The following IL2RB variants were observed in gnomAD, a reference collection of about 807,000 sequenced individuals.
The protein encoded by IL2RB is interleukin-2 receptor subunit beta.
In IL2RB, 17 loss-of-function variants were observed where a neutral mutation model predicts 44.2. The ratio of observed to expected loss-of-function variants is 0.38; its 90% CI spans 0.26 to 0.58. The LOEUF (loss-of-function observed/expected upper bound fraction) is 0.58, where lower values mean the gene tolerates loss of function less well. IL2RB is among the 20% of genes least tolerant of loss of function. The pLI is 0.63. For missense variants in IL2RB, 624 were observed against 685.5 expected, an observed-to-expected ratio of 0.91 and a Z score of 1.00; for synonymous variants, 286 against 297.9, an observed-to-expected ratio of 0.96 and a Z score of 0.41.
intron 1 of IL2RB, among the ~76,000 whole-genome samples, chr22:37,164,887 G>A (rs919198467): frequency 6.6e-6 from 1 of 152,132 alleles, no homozygotes; most frequent in East Asian, 1.9e-4. Context: ...GTTGATTCCC[G>A]ACTATGCTGA....
chr22:37,157,672 T>C (rs1922726659), intron 1 of IL2RB, among the ~76,000 whole-genome samples: 1 of 152,182 alleles, frequency 6.6e-6, no homozygotes, highest in African/African-American at 2.4e-5. Flanking sequence ...AAACCAGTCC[T>C]TCCCTGATCT....
chr22:37,135,032 G>A (rs1921612311), intron 8 of IL2RB, among the ~76,000 whole-genome samples: 1 of 152,176 alleles, frequency 6.6e-6, no homozygotes, highest in Admixed American at 6.5e-5. Context: ...GGCTCTCCCT[G>A]GAGGGCTGCA....
At chr22:37,171,628 T>C (rs1298445160) in intron 1 of IL2RB, among the ~76,000 whole-genome samples, 1 of 152,186 alleles carries the variant, frequency 6.6e-6, no homozygotes, top group African/African-American at 2.4e-5. Flanking sequence ...GGATGAAAAC[T>C]ATGGAATGCT....
upstream of IL2RB, among the ~76,000 whole-genome samples, chr22:37,151,224 C>G (rs1327549001): frequency 6.6e-6 from 1 of 152,232 alleles, no homozygotes; most frequent in Non-Finnish European, 1.5e-5. Flanking sequence ...TCTCCCCACC[C>G]TCACCAGCAT....
intron 1 of IL2RB, among the ~76,000 whole-genome samples, chr22:37,164,987 G>A (rs892614405): frequency 1.3e-5 from 2 of 152,116 alleles, no homozygotes; most frequent in African/African-American, 4.8e-5. Flanking sequence ...TCCCGAGCCA[G>A]AATCTGTATT....
At position 37,142,389 on chromosome 22, in the gene IL2RB, G is replaced by A. The variant is rs1229005365; in HGVS notation, c.282+45C>T. 2.6e-6 allele frequency: 4 copies of A among 1,567,584 alleles called. No homozygotes were observed. The South Asian group carries it at 4.4e-5, about 17-fold the overall frequency. ...CCCTGAGATCGCAGCCCGGAGCTGG[G>A]AGACCACCCTCTCCCTGCACTCTCT... On this transcript the variant is annotated intron_variant, in intron 4 of 9. Coordinates refer to ENST00000216223, the MANE Select transcript of IL2RB (RefSeq NM_000878.5).
In IL2RB at chr22:37,128,545, A is replaced by G; in HGVS notation, c.1207T>C (p.Ser403Pro). The change falls in exon 10 of 10, where the codon TCT becomes CCT. Residue 403 changes from serine (S) to proline (P), a missense_variant. Coordinates refer to ENST00000216223, the MANE Select transcript of IL2RB (RefSeq NM_000878.5). The surrounding 1 kb of genome is among the most constrained non-coding windows in gnomAD (Gnocchi z 4.5). ...DEGVAGAPTGSSPQPLQPLSG... is the reference protein window; with the variant it reads ...DEGVAGAPTGPSPQPLQPLSG... ...AGAGGCTGCAGGGGTTGGGGGGAAG[A>G]CCCTGTGGGTGCCCCGGCCACACCC... 6.2e-7 allele frequency: 1 copy of G among 1,613,342 alleles called. No individual in the cohort carries two copies. The highest frequency in any genetic ancestry group is 8.5e-7 in the Non-Finnish European group (1 of 1,179,644).
In IL2RB at chr22:37,136,266, G is replaced by A; in HGVS notation, c.665C>T (p.Pro222Leu). The stretch of plus-strand genomic sequence containing the variant: ...CCTGAAGGCCAGGGGCTGGCTCCAG[G>A]GGCTCCAGGTCGTGAACTCGCCTTG... Reference protein sequence around the residue: ...PLQGEFTTWSPWSQPLAFRTK... With the variant: ...PLQGEFTTWSLWSQPLAFRTK... Residue 222 changes from proline (P) to leucine (L), a missense_variant, in exon 7 of 10, where the codon CCC becomes CTC. Physicochemically the swap from Pro to Leu is moderately conservative, Grantham distance 98 (BLOSUM62 -3). This residue lies in a region of IL2RB where 255 missense variants were observed against 339.9 expected (regional missense o/e 0.75). Coordinates refer to ENST00000216223, the MANE Select transcript of IL2RB (RefSeq NM_000878.5). 6.2e-7 allele frequency: 1 copy of A among 1,612,410 alleles called. No individual in the cohort carries two copies. The highest frequency in any genetic ancestry group is 8.5e-7 in the Non-Finnish European group (1 of 1,179,684).
chr22:37,168,222 A>G (rs187795695), intron 1 of IL2RB, among the ~76,000 whole-genome samples: 6 of 152,386 alleles, frequency 3.9e-5, no homozygotes, highest in Admixed American at 3.3e-4. Flanking sequence ...TATTAAAGAA[A>G]GTAACAAGAC....
intron 1 of IL2RB, among the ~76,000 whole-genome samples, chr22:37,148,238 G>C (rs911493222): frequency 6.6e-6 from 1 of 152,192 alleles, no homozygotes; most frequent in African/African-American, 2.4e-5. Context: ...ATGGTGTGGG[G>C]GTGCCAGAGG....
intron 1 of IL2RB, among the ~76,000 whole-genome samples, chr22:37,147,155 A>T (rs921003338): frequency 6.6e-6 from 1 of 152,204 alleles, no homozygotes; most frequent in African/African-American, 2.4e-5. Flanking sequence ...CCATCGGCTG[A>T]CAGGTTACTG....
chr22:37,135,686 A>G (rs1334057148), intron 7 of IL2RB, among the ~76,000 whole-genome samples: 1 of 151,856 alleles, frequency 6.6e-6, no homozygotes, highest in Non-Finnish European at 1.5e-5. Flanking sequence ...CCCCCTGGTG[A>G]GCCTACAGCC....
intron 8 of IL2RB, among the ~76,000 whole-genome samples, chr22:37,134,624 A>T (rs989062005): frequency 6.6e-6 from 1 of 152,240 alleles, no homozygotes; most frequent in South Asian, 2.1e-4. Flanking sequence ...TAAATAAATA[A>T]AATAAAACAA....
intron 4 of IL2RB, 92 bp from the exon 5 acceptor site, chr22:37,139,314 C>T (rs963448606): frequency 8.7e-6 from 7 of 802,590 alleles, no homozygotes; most frequent in Non-Finnish European, 1.5e-5. Context: ...GGATGGCAGC[C>T]TCTCCACATG....
In IL2RB at chr22:37,128,660, G is replaced by A. The variant is rs1340312334; in HGVS notation, c.1092C>T (p.Tyr364=). 4 of 1,614,202 alleles carry A rather than the reference G, an allele frequency of 2.5e-6. No homozygotes were observed. Among genetic ancestry groups the A allele is most frequent in the African/African-American group, 1.3e-5 (1 of 75,066 alleles). The change falls in exon 10 of 10, where the codon TAC becomes TAT. Residue 364 remains tyrosine (Y), a synonymous_variant. Coordinates refer to ENST00000216223, the MANE Select transcript of IL2RB (RefSeq NM_000878.5). The surrounding 1 kb of genome is among the most constrained non-coding windows in gnomAD (Gnocchi z 4.5). The part of the protein sequence containing the change: ...SLTSCFTNQG[Y]FFFHLPDALE... ...AGGCATCCGGGAGGTGGAAGAAGAA[G>A]TAACCCTGGTTGGTGAAGCAGCTGG... is the stretch of plus-strand genomic sequence containing the variant.
At chr22:37,147,977 G>C (rs186011824) in intron 1 of IL2RB, among the ~76,000 whole-genome samples, 1 of 152,360 alleles carries the variant, frequency 6.6e-6, no homozygotes, top group Non-Finnish European at 1.5e-5. Flanking sequence ...TGTTTTGTGT[G>C]GGTGTCACCC....
At chr22:37,164,799 A>C (rs568056519) in intron 1 of IL2RB, among the ~76,000 whole-genome samples, 2 of 152,216 alleles carry the variant, frequency 1.3e-5, no homozygotes, top group African/African-American at 4.8e-5. Flanking sequence ...AAAGTTCTAG[A>C]AGCATAGCCT....
chr22:37,137,838 C>T (rs1293847651), intron 5 of IL2RB, 103 bp from the exon 6 acceptor site: 6 of 1,023,884 alleles, frequency 5.9e-6, no homozygotes, highest in African/African-American at 4.8e-5. Flanking sequence ...ACCTCCCCTA[C>T]CCCCCGACCC....
chr22:37,164,184 C>G (rs1922982594), intron 1 of IL2RB, among the ~76,000 whole-genome samples: 1 of 152,176 alleles, frequency 6.6e-6, no homozygotes, highest in Non-Finnish European at 1.5e-5. Flanking sequence ...CTCCCTGCCC[C>G]TCAGCCCCAC....
Sources: gnomAD v4.1 joint callset for allele counts (sites outside exome capture counted in the v4.1 genomes callset) on GRCh38, gnomAD v4.1.1 for gene constraint, gnomAD v4.1.1 regional missense constraint, Gnocchi (gnomAD v3.1) non-coding constraint, MANE v1.5 for transcripts, NCBI Gene and HGNC (gene_info 2026-07-23, HGNC 2026-07-21) for gene names.